BRIP1: variants seen among roughly 807,000 people sequenced by gnomAD.
BRIP1 encodes the protein BRCA1 interacting DNA helicase 1.
In BRIP1, 88 loss-of-function variants were observed where a neutral mutation model predicts 119.7. That is an observed-to-expected ratio of 0.74 (90% CI 0.62 to 0.88). BRIP1 has a LOEUF of 0.88. Among genes scored for constraint, BRIP1 ranks in the 40% least tolerant of loss-of-function variants. The probability of loss-of-function intolerance (pLI) is 0.00; values close to 1 mark genes in which losing one functional copy is unlikely to be tolerated. For missense variants in BRIP1, 1,259 were observed against 1,455.4 expected (o/e 0.87, Z 2.20); for synonymous variants, 443 against 496.5 (o/e 0.89, Z 1.43).
intron 10 of BRIP1, among the ~76,000 whole-genome samples, chr17:61,788,276 C>T (rs2077764137): frequency 6.6e-6 from 1 of 151,728 alleles, no homozygotes; most frequent in South Asian, 2.1e-4. Context: ...ATAAATCTAA[C>T]CAAAGCCATC....
At position 61,720,309 on chromosome 17, in the gene BRIP1, G is replaced by A. The variant is rs2061952900; in HGVS notation, c.2380-4246C>T. Among the ~76,000 whole-genome samples the A allele has an allele frequency of 6.6e-6, 1 of 152,046 alleles. No individual in the cohort carries two copies. The highest frequency in any genetic ancestry group is 6.6e-5 in the Admixed American group (1 of 15,264). On this transcript the variant is annotated intron_variant, in intron 16 of 19. Transcript: ENST00000259008. The surrounding 1 kb of genome is among the most constrained non-coding windows in gnomAD (Gnocchi z 4.3). ...GATAAATGTTTGAGATGACAGATAC[G>A]CTAATTACCCTGATCTAATCAATAA...
rs1392951537 is a variant in BRIP1, at chr17:61,722,917, A to G, written c.2380-6854T>C. Among the ~76,000 whole-genome samples, 1 of 152,210 alleles carries G rather than the reference A, an allele frequency of 6.6e-6. No individual in the cohort carries two copies. Among genetic ancestry groups the G allele is most frequent in the Non-Finnish European group, 1.5e-5 (1 of 68,028 alleles). The stretch of plus-strand genomic sequence containing the variant: ...CCAGGGGAATTTATTTTAGATAAAA[A>G]GTTTAAAAACCTACAAAAGAACAAA... On this transcript the variant is annotated intron_variant, in intron 16 of 19. Transcript: ENST00000259008. The surrounding 1 kb of genome is among the most constrained non-coding windows in gnomAD (Gnocchi z 4.6).
At chr17:61,849,539 TG>T (rs1453050474) in intron 4 of BRIP1, among the ~76,000 whole-genome samples, 4 of 152,240 alleles carry the variant, frequency 2.6e-5, no homozygotes, top group Admixed American at 6.5e-5. Flanking sequence ...AATGTATAAC[TG>T]CAAGGATCTC....
chr17:61,698,104 C>A lies in BRIP1; in HGVS notation c.2493-4592G>T, dbSNP rs187219532. On this transcript the variant is annotated intron_variant, in intron 17 of 19. Coordinates refer to ENST00000259008, the MANE Select transcript of BRIP1 (RefSeq NM_032043.3). ...TACACACGTGAGCCACCGTGCCTGG[C>A]CTAGATGTTTACAGCTTTTTTAAGT... Among the ~76,000 whole-genome samples, 125 of 152,282 alleles carry A rather than the reference C, an allele frequency of 8.2e-4. 1 individual carries two copies. The highest frequency in any genetic ancestry group is 2.7e-3 in the African/African-American group (114 of 41,556).
rs1357196139 is a variant in BRIP1 at position 61,848,915 on chromosome 17, C to T, written c.507+214G>A. Among the ~76,000 whole-genome samples the T allele has an allele frequency of 6.6e-6, 1 of 152,130 alleles. No homozygotes were observed. Among genetic ancestry groups the T allele is most frequent in the East Asian group, 1.9e-4 (1 of 5,190 alleles). ...TTCCTCATATATAAGAAACACCATG[C>T]AGTTTCACTTGAACGACATGTTACT... On this transcript the variant is annotated intron_variant, in intron 5 of 19. Transcript: ENST00000259008. The surrounding 1 kb of genome is among the most constrained non-coding windows in gnomAD (Gnocchi z 4.3).
intron 16 of BRIP1, among the ~76,000 whole-genome samples, chr17:61,719,176 G>GCCC (rs34051860): frequency 2.1e-5 from 3 of 141,296 alleles, no homozygotes; most frequent in Admixed American, 7.3e-5. Flanking sequence ...AAGAGACATT[G>GCCC]CCCCCCCCCC....
chr17:61,786,007 T>C (rs1176224409), intron 10 of BRIP1, among the ~76,000 whole-genome samples: 1 of 151,980 alleles, frequency 6.6e-6, no homozygotes, highest in African/African-American at 2.4e-5. Context: ...GAAACATACA[T>C]AAAGCTGTAT....
In BRIP1 at chr17:61,722,880, C is replaced by T; in HGVS notation, c.2380-6817G>A. Among the ~76,000 whole-genome samples, 1 of 151,798 alleles carries T rather than the reference C, an allele frequency of 6.6e-6. No individual in the cohort carries two copies. On this transcript the variant is annotated intron_variant, in intron 16 of 19. Coordinates refer to ENST00000259008, the MANE Select transcript of BRIP1 (RefSeq NM_032043.3). This position sits in a 1 kb window ranked among gnomAD's most constrained non-coding sequence, Gnocchi z 4.6. ...ACTCCAAATGGCCTTTAAAATACTG[C>T]CAATATTTTACCCAGGGGAATTTAT...
rs2076820595 is a variant in BRIP1, at chr17:61,729,847, G to T, written c.2379+13166C>A. Among the ~76,000 whole-genome samples the T allele has an allele frequency of 6.6e-6, 1 of 152,112 alleles. No individual in the cohort carries two copies. Among genetic ancestry groups the T allele is most frequent in the Non-Finnish European group, 1.5e-5 (1 of 67,988 alleles). ...AGAGATATTTTGGGTTATCACAACT[G>T]GTGGCAGGGTGACCGTGGGGGGTGT... On this transcript the variant is annotated intron_variant, in intron 16 of 19. Transcript: ENST00000259008. The surrounding 1 kb of genome is among the most constrained non-coding windows in gnomAD (Gnocchi z 5.6).
chr17:61,725,791 TA>T lies in BRIP1; in HGVS notation c.2380-9729del, dbSNP rs201604334. ...ATACGTGCCCCAACACCAGGCTAATTAAAAAAAAAAATTATTTTAGAGACGC... is the reference window on the plus strand; with the variant it reads ...ATACGTGCCCCAACACCAGGCTAATTAAAAAAAAAATTATTTTAGAGACGC... On this transcript the variant is annotated intron_variant, in intron 16 of 19. Transcript: ENST00000259008. The surrounding 1 kb of genome is among the most constrained non-coding windows in gnomAD (Gnocchi z 5.3). 3.1e-4 allele frequency among the ~76,000 whole-genome samples: 46 copies of T among 148,752 alleles called. No individual in the cohort carries two copies. Among genetic ancestry groups the T allele is most frequent in the Admixed American group, 4.7e-4 (7 of 14,892 alleles).
chr17:61,686,915 T>C lies in BRIP1; in HGVS notation c.2576-750A>G, dbSNP rs1472486572. Among the ~76,000 whole-genome samples the C allele has an allele frequency of 6.6e-6, 1 of 152,186 alleles. No homozygotes were observed. On this transcript the variant is annotated intron_variant, in intron 18 of 19. Transcript: ENST00000259008. This position sits in a 1 kb window ranked among gnomAD's most constrained non-coding sequence, Gnocchi z 5.4. ...CCTGCTAACACTACTAAAACTAGCA[T>C]CATCTTTTGGAGGAATTAGTTTTAA...
rs893767298 is a variant in BRIP1, at chr17:61,794,391, G to A, written c.1341-662C>T. Among the ~76,000 whole-genome samples, 3 of 151,948 alleles carry A rather than the reference G, an allele frequency of 2.0e-5. No individual in the cohort carries two copies. The highest frequency in any genetic ancestry group is 7.3e-5 in the African/African-American group (3 of 41,374). ...AAAAGAACAAGAACATGTCCTTTAC[G>A]GGAACATAGATGGAGCTGGAGATCA... On this transcript the variant is annotated intron_variant, in intron 9 of 19. Coordinates refer to ENST00000259008, the MANE Select transcript of BRIP1 (RefSeq NM_032043.3). The surrounding 1 kb of genome is among the most constrained non-coding windows in gnomAD (Gnocchi z 4.3).
chr17:61,772,187 ATATATATATATATATATATAT>A (rs1352935031), intron 14 of BRIP1, among the ~76,000 whole-genome samples: 2 of 130,064 alleles, frequency 1.5e-5, no homozygotes, highest in African/African-American at 5.8e-5. Context: ...ATATATATAT[ATATATATATATATATATATAT>A]AAAATGAAAT....
intron 4 of BRIP1, among the ~76,000 whole-genome samples, chr17:61,855,430 T>A (rs1407585728): frequency 6.6e-6 from 1 of 151,636 alleles, no homozygotes; most frequent in Non-Finnish European, 1.5e-5. Flanking sequence ...ATACAAAAAA[T>A]TAGCTGGGTG....
In BRIP1 at chr17:61,825,343, T is replaced by C. The variant is rs796902512; in HGVS notation, c.628-16586A>G. On this transcript the variant is annotated intron_variant, in intron 6 of 19. Coordinates refer to ENST00000259008, the MANE Select transcript of BRIP1 (RefSeq NM_032043.3). The surrounding 1 kb of genome is among the most constrained non-coding windows in gnomAD (Gnocchi z 4.1). ...AAAGGAAGCCCTCTCTCACCACTCT[T>C]ATTAAACATATTATTGGAAGTCCTG... Among the ~76,000 whole-genome samples, 31 of 151,824 alleles carry C rather than the reference T, an allele frequency of 2.0e-4. No homozygotes were observed. Among genetic ancestry groups the C allele is most frequent in the African/African-American group, 7.5e-4 (31 of 41,414 alleles).
At chr17:61,821,741 A>ATCTC (rs138300920) in intron 6 of BRIP1, among the ~76,000 whole-genome samples, 1 of 149,620 alleles carries the variant, frequency 6.7e-6, no homozygotes, top group Non-Finnish European at 1.5e-5. Context: ...AAGATACAGG[A>ATCTC]TCTCTCTCTC....
In BRIP1 at chr17:61,848,882, C is replaced by G. The variant is rs1483015438; in HGVS notation, c.507+247G>C. Among the ~76,000 whole-genome samples the G allele has an allele frequency of 6.6e-6, 1 of 152,076 alleles. No homozygotes were observed. Among genetic ancestry groups the G allele is most frequent in the Non-Finnish European group, 1.5e-5 (1 of 68,024 alleles). ...AGATATGCCTTAAGTAAATATTTTA[C>G]TATCAAATTCCTCATATATAAGAAA... On this transcript the variant is annotated intron_variant, in intron 5 of 19. Transcript: ENST00000259008. The surrounding 1 kb of genome is among the most constrained non-coding windows in gnomAD (Gnocchi z 4.3).
At position 61,744,293 on chromosome 17, in the gene BRIP1, C is replaced by A. The variant is rs576194554; in HGVS notation, c.2257+139G>T. Reference sequence around the variant, plus strand: ...AGTACAATTAAAAGAATTTCTTTACCCAATTTATTTTCTTTTCACTCAGGA... The same window carrying A: ...AGTACAATTAAAAGAATTTCTTTACACAATTTATTTTCTTTTCACTCAGGA... On this transcript the variant is annotated intron_variant, in intron 15 of 19. Transcript: ENST00000259008. This position sits in a 1 kb window ranked among gnomAD's most constrained non-coding sequence, Gnocchi z 5.0. 2 of 927,684 alleles carry A rather than the reference C, an allele frequency of 2.2e-6. No individual in the cohort carries two copies. Among genetic ancestry groups the A allele is most frequent in the East Asian group, 2.7e-5 (1 of 37,168 alleles). The allele number at this position is 927,684 out of a possible 1,614,324, so 57.5% of individuals were successfully genotyped here. A position where few individuals can be genotyped will look rare whatever the true frequency, so the allele number is the denominator to read the frequency against.
chr17:61,772,198 T>C (rs2077463597), intron 14 of BRIP1, among the ~76,000 whole-genome samples: 1 of 98,518 alleles, frequency 1.0e-5, no homozygotes, highest in Non-Finnish European at 2.1e-5. Context: ...TATATATATA[T>C]ATATATATAT....
Sources: allele counts gnomAD v4.1 joint callset (sites outside exome capture counted in the v4.1 genomes callset), GRCh38; gene constraint gnomAD v4.1.1; non-coding constraint Gnocchi (gnomAD v3.1); transcripts MANE v1.5; gene names NCBI Gene and HGNC (gene_info 2026-07-23, HGNC 2026-07-21).